EEF1A1: variants seen among roughly 807,000 people sequenced by gnomAD.
The protein encoded by EEF1A1 is elongation factor 1-alpha 1.
A neutral mutation model predicts 38.5 loss-of-function variants in EEF1A1; 1 was observed. The ratio of observed to expected loss-of-function variants is 0.03; its 90% CI spans 0.01 to 0.12. The LOEUF (loss-of-function observed/expected upper bound fraction) is 0.12, where lower values mean the gene tolerates loss of function less well. Among genes scored for constraint, EEF1A1 ranks in the 10% least tolerant of loss-of-function variants. EEF1A1 has a pLI of 1.00. For synonymous variants in EEF1A1, 229 were observed against 203.7 expected (o/e 1.12, Z -1.06); for missense variants, 184 against 588.3 (o/e 0.31, Z 7.11).
At chr6:73,519,845 A>G in intron 2 of EEF1A1, 38 bp downstream of exon 2, 2 of 1,610,786 alleles carry the variant, frequency 1.2e-6, no homozygotes, top group Non-Finnish European at 1.7e-6. Context: ...GGTAAAACTC[A>G]TTTTAGTTGA....
In EEF1A1 at chr6:73,518,248, T is replaced by A. The variant is rs1399906614; in HGVS notation, c.1046A>T (p.His349Leu). Residue 349 changes from histidine to leucine, a missense_variant, in exon 7 of 8, where the codon CAT becomes CTT. Physicochemically the swap from His to Leu is moderately conservative, Grantham distance 99. Transcript: ENST00000309268. ...GFTAQVIILN[H>L]PGQISAGYAP... ...ATAGCCGGCGCTTATTTGGCCTGGATGGTTCAGGATAATCACCTTGGAAAA... is the reference window on the plus strand; with the variant it reads ...ATAGCCGGCGCTTATTTGGCCTGGAAGGTTCAGGATAATCACCTTGGAAAA... The A allele has an allele frequency of 6.2e-7, 1 of 1,614,124 alleles. No homozygotes were observed.
In EEF1A1 at chr6:73,516,679, A is replaced by G. The variant is rs371281509; in HGVS notation, c.*1131T>C. The G allele has an allele frequency of 1.3e-5, 2 of 151,970 alleles. No homozygotes were observed. The highest frequency in any genetic ancestry group is 1.3e-4 in the Admixed American group (2 of 15,254). 9.4% of individuals were successfully genotyped at this position (151,970 alleles called of 1,614,324 possible). ...CTTAAGCAAAAATTTTCCTTTTATA[A>G]CCAAAAAAAAACCTTTAGACACTTT... On this transcript the variant is annotated 3_prime_UTR_variant, in exon 8 of 8. Transcript: ENST00000309268.
intron 1 of EEF1A1, chr6:73,520,313 G>A (rs988937608): frequency 9.4e-6 from 3 of 319,956 alleles, no homozygotes; most frequent in East Asian, 6.6e-5. Context: ...GTCACATGAA[G>A]CGACGGCTGA....
intron 1 of EEF1A1, chr6:73,520,628 G>T (rs1231835186): frequency 6.6e-6 from 1 of 152,556 alleles, no homozygotes; most frequent in Non-Finnish European, 1.5e-5. Flanking sequence ...GCCGCCCGCG[G>T]CCCCAAAAAC....
In EEF1A1 at chr6:73,517,846, G is replaced by T; in HGVS notation, c.1353C>A (p.Val451=). ...TCTGAGCTTTCTGGGCAGACTTGGT[G>T]ACCTTGCCAGCTCCAGCAGCCTTCT... ...VDKKAAGAGK[V]TKSAQKAQKA... is the part of the protein sequence containing the mutation. Residue 451 remains valine, a synonymous_variant, in exon 8 of 8, where the codon GTC becomes GTA. Transcript: ENST00000309268. 6.3e-7 allele frequency: 1 copy of T among 1,595,722 alleles called. No homozygotes were observed. Among genetic ancestry groups the T allele is most frequent in the South Asian group, 1.1e-5 (1 of 90,298 alleles).
chr6:73,518,554 C>G lies in EEF1A1; in HGVS notation c.829G>C (p.Val277Leu). 1 of 1,613,894 alleles carries G rather than the reference C, an allele frequency of 6.2e-7. No individual in the cohort carries two copies. Among genetic ancestry groups the G allele is most frequent in the Non-Finnish European group, 8.5e-7 (1 of 1,179,806 alleles). Reference sequence around the variant, plus strand: ...ACGTTGACTGGAGCAAAGGTGACCACCATACCGGGTTTGAGAACACCAGTC... The same window carrying G: ...ACGTTGACTGGAGCAAAGGTGACCAGCATACCGGGTTTGAGAACACCAGTC... ...VETGVLKPGMVVTFAPVNVTT... is the reference protein window; with the variant it reads ...VETGVLKPGMLVTFAPVNVTT... The change falls in exon 6 of 8, where the codon GTG becomes CTG. Residue 277 changes from valine to leucine, a missense_variant. Transcript: ENST00000309268.
chr6:73,517,730 T>C lies in EEF1A1; in HGVS notation c.*80A>G, dbSNP rs1185753813. 3 of 706,036 alleles carry C rather than the reference T, an allele frequency of 4.2e-6. No homozygotes were observed. In the East Asian group the frequency reaches 8.2e-5, roughly 19 times the overall value. The allele number at this position is 706,036 out of a possible 1,614,324, so 43.7% of individuals were successfully genotyped here. ...CCAGTCTTTTACTACTAAACTTAAA[T>C]GGCCAATTGAAACAAACAGTTCTGA... is the stretch of plus-strand genomic sequence containing the variant. On this transcript the variant is annotated 3_prime_UTR_variant, in exon 8 of 8. Coordinates refer to ENST00000309268, the MANE Select transcript of EEF1A1 (RefSeq NM_001402.6).
At chr6:73,520,090 C>CT in intron 1 of EEF1A1, 34 bp from the exon 2 acceptor site, 1 of 1,550,562 alleles carries the variant, frequency 6.4e-7, no homozygotes, top group Non-Finnish European at 8.6e-7. Flanking sequence ...GAACCACTGT[C>CT]TGAGGCTTGA....
chr6:73,518,314 T>G, intron 6 of EEF1A1, 40 bp downstream of exon 6: 1 of 1,611,862 alleles, frequency 6.2e-7, no homozygotes, highest in Non-Finnish European at 8.5e-7. Context: ...TCAAATGACT[T>G]TAGCCTCTGC....
Position 73,519,327 on chromosome 6 carries a change from T to A in EEF1A1, c.324+10A>T, listed in dbSNP as rs879055206. ...GGATAAAGAAACCTAGAATTATTAA[T>A]CCCACCAACCTGAGATGTCCCTGTA... On this transcript the variant is annotated intron_variant, in intron 3 of 7. Coordinates refer to ENST00000309268, the MANE Select transcript of EEF1A1 (RefSeq NM_001402.6). 151 of 1,607,416 alleles carry A rather than the reference T, an allele frequency of 9.4e-5. No individual in the cohort carries two copies. In the South Asian group the frequency reaches 1.0e-3, roughly 11 times the overall value.
chr6:73,519,555 C>CA (rs1765600320), intron 2 of EEF1A1, 39 bp from the exon 3 acceptor site: 1 of 1,545,624 alleles, frequency 6.5e-7, no homozygotes, highest in Admixed American at 1.8e-5. Flanking sequence ...TACTAAAACA[C>CA]AAACTCCAGC....
chr6:73,519,869 G>C lies in EEF1A1; in HGVS notation c.144+14C>G. On this transcript the variant is annotated intron_variant, in intron 2 of 7. Transcript: ENST00000309268. ...CATTTTAGTTGATCTTTCCCTTTCT[G>C]GTATTAAACATACCTCAGCAGCCTC... is the stretch of plus-strand genomic sequence containing the variant. The C allele has an allele frequency of 6.2e-7, 1 of 1,612,030 alleles. No homozygotes were observed. Among genetic ancestry groups the C allele is most frequent in the Non-Finnish European group, 8.5e-7 (1 of 1,179,604 alleles).
rs1173697813 is a variant in EEF1A1 at position 73,516,307 on chromosome 6, A to T, written c.*1503T>A. 1 of 152,200 alleles carries T rather than the reference A, an allele frequency of 6.6e-6. No homozygotes were observed. The highest frequency in any genetic ancestry group is 1.9e-4 in the East Asian group (1 of 5,204). 9.4% of individuals were successfully genotyped at this position (152,200 alleles called of 1,614,324 possible). A position where few individuals can be genotyped will look rare whatever the true frequency, so the allele number is the denominator to read the frequency against. On this transcript the variant is annotated 3_prime_UTR_variant, in exon 8 of 8. Transcript: ENST00000309268. Reference sequence around the variant, plus strand: ...TCTTGGGCTGCTTTAACTCCTGCTTAGCATGTCCTTAAGAACACATGTCCT... The same window carrying T: ...TCTTGGGCTGCTTTAACTCCTGCTTTGCATGTCCTTAAGAACACATGTCCT...
chr6:73,520,244 G>A (rs1049632771), intron 1 of EEF1A1, 188 bp from the exon 2 acceptor site: 35 of 530,034 alleles, frequency 6.6e-5, no homozygotes, highest in Middle Eastern at 5.0e-4. Flanking sequence ...TAAAGACGAC[G>A]TACTCCAAAA....
rs377342040 is a variant in EEF1A1 at position 73,520,034 on chromosome 6, T to G, written c.-8A>C. 40 of 1,589,122 alleles carry G rather than the reference T, an allele frequency of 2.5e-5. No individual in the cohort carries two copies. The highest frequency in any genetic ancestry group is 2.9e-5 in the Non-Finnish European group (34 of 1,177,104). On this transcript the variant is annotated 5_prime_UTR_variant, in exon 2 of 8. Transcript: ENST00000309268. ...AGTCTTTTCCTTTCCCATTTTGGCT[T>G]TTAGGGGTAGTTTTCACGACACCTG...
At position 73,518,464 on chromosome 6, in the gene EEF1A1, T is replaced by G. The variant is rs555540179; in HGVS notation, c.919A>C (p.Asn307His). Residue 307 changes from asparagine to histidine, a missense_variant, in exon 6 of 8, where the codon AAT becomes CAT. Coordinates refer to ENST00000309268, the MANE Select transcript of EEF1A1 (RefSeq NM_001402.6). ...ACATTCTTGACATTGAAGCCCACAT[T>G]GTCCCCAGGAAGAGCTTCACTCAAA... ...EALSEALPGDNVGFNVKNVSV... is the reference protein window; with the variant it reads ...EALSEALPGDHVGFNVKNVSV... The G allele has an allele frequency of 6.2e-7, 1 of 1,613,976 alleles. No homozygotes were observed. The highest frequency in any genetic ancestry group is 1.7e-5 in the Admixed American group (1 of 60,016).
In EEF1A1 at chr6:73,519,740, C is replaced by T; in HGVS notation, c.144+143G>A. On this transcript the variant is annotated intron_variant, in intron 2 of 7. Coordinates refer to ENST00000309268, the MANE Select transcript of EEF1A1 (RefSeq NM_001402.6). The stretch of plus-strand genomic sequence containing the variant: ...CTAGCAATACGATTACAGAAGTCAC[C>T]AAAAGCAAAATTATTTCATAAGTAA... 7 of 1,348,752 alleles carry T rather than the reference C, an allele frequency of 5.2e-6. No individual in the cohort carries two copies. In the South Asian group the frequency reaches 1.0e-4, roughly 19 times the overall value. 83.5% of individuals were successfully genotyped at this position (1,348,752 alleles called of 1,614,324 possible). A position where few individuals can be genotyped will look rare whatever the true frequency, so the allele number is the denominator to read the frequency against.
Position 73,517,939 on chromosome 6 carries a change from TA to T in EEF1A1, c.1265-6del, listed in dbSNP as rs530302960. Reference sequence around the variant, plus strand: ...TATCACGAACAGCAAAGCGACCTATTAAAAAAAAAGTTAATTATTACCCAAA... The same window carrying T: ...TATCACGAACAGCAAAGCGACCTATTAAAAAAAAGTTAATTATTACCCAAA... On this transcript the variant is annotated splice_region_variant and splice_polypyrimidine_tract_variant and intron_variant, in intron 7 of 7. Coordinates refer to ENST00000309268, the MANE Select transcript of EEF1A1 (RefSeq NM_001402.6). 2.7e-5 allele frequency: 44 copies of T among 1,610,548 alleles called. No individual in the cohort carries two copies. The highest frequency in any genetic ancestry group is 1.7e-4 in the Middle Eastern group (1 of 6,052).
Position 73,518,548 on chromosome 6 carries a change from T to C in EEF1A1, c.835A>G (p.Thr279Ala). The C allele has an allele frequency of 6.2e-7, 1 of 1,613,940 alleles. No individual in the cohort carries two copies. The highest frequency in any genetic ancestry group is 8.5e-7 in the Non-Finnish European group (1 of 1,179,830). ...GTTGTAACGTTGACTGGAGCAAAGG[T>C]GACCACCATACCGGGTTTGAGAACA... ...TGVLKPGMVV[T>A]FAPVNVTTEV... Residue 279 changes from threonine to alanine, a missense_variant, in exon 6 of 8, where the codon ACC becomes GCC. Thr to Ala is a moderately conservative substitution (Grantham distance 58). Around this residue, in one of 3 missense-constraint regions of EEF1A1, gnomAD observed 81 missense variants for 286.3 expected, o/e 0.28. Transcript: ENST00000309268.
Sources: allele counts gnomAD v4.1 joint callset, GRCh38; gene constraint gnomAD v4.1.1; regional missense constraint gnomAD v4.1.1; transcripts MANE v1.5; gene names NCBI Gene and HGNC (gene_info 2026-07-23, HGNC 2026-07-21).